Variants in CHST6 observed in about 807,000 individuals in gnomAD.
The protein encoded by CHST6 is carbohydrate sulfotransferase 6.
For missense variants in CHST6, 698 were observed against 586.2 expected, an observed-to-expected ratio of 1.19 and a Z score of -1.97; for synonymous variants, 309 against 276.4, an observed-to-expected ratio of 1.12 and a Z score of -1.17.
At chr16:75,488,674 T>C (rs998892355) in intron 1 of CHST6, among the ~76,000 whole-genome samples, 1 of 151,326 alleles carries the variant, frequency 6.6e-6, no homozygotes, top group Non-Finnish European at 1.5e-5. Context: ...AGACAAAACA[T>C]AAAGCAGGGA....
chr16:75,486,453 C>T (rs2080199533), intron 1 of CHST6, among the ~76,000 whole-genome samples: 1 of 152,230 alleles, frequency 6.6e-6, no homozygotes, highest in Admixed American at 6.5e-5. Context: ...TGATCCACCA[C>T]TCCCGGCTCC....
intron 1 of CHST6, 113 bp from the exon 2 acceptor site, chr16:75,482,004 TTTAA>T: frequency 2.7e-6 from 1 of 370,876 alleles, no homozygotes; most frequent in Non-Finnish European, 5.4e-6. Flanking sequence ...ATGTGCAACA[TTTAA>T]CCTCTTAGGG....
In CHST6 at chr16:75,478,493, G is replaced by A. The variant is rs1363419817; in HGVS notation, c.*148C>T. The A allele has an allele frequency of 4.0e-6, 3 of 758,568 alleles. No individual in the cohort carries two copies. The highest frequency in any genetic ancestry group is 2.2e-5 in the Admixed American group (1 of 45,674). The allele number at this position is 758,568 out of a possible 1,614,324, so 47.0% of individuals were successfully genotyped here. On this transcript the variant is annotated 3_prime_UTR_variant, in exon 3 of 3. Transcript: ENST00000332272. ...ACCAAGAATCAAGAGAGAAAGAAAC[G>A]TGCAGTCCTTGCCTACTTGGGGAGG...
chr16:75,493,657 A>C (rs183475065), intron 1 of CHST6, among the ~76,000 whole-genome samples: 4 of 152,138 alleles, frequency 2.6e-5, no homozygotes, highest in African/African-American at 9.7e-5. Context: ...TTGCTTAGCA[A>C]TCTTCCTTCC....
rs1434336846 is a variant in CHST6 at position 75,479,856 on chromosome 16, G to C, written c.-16-12C>G. ...TGACTGCTGGGGGCCTTAGGGAGGAGAGCGCAGCGGTTAGGGGCTGCAGCC... is the reference window on the plus strand; with the variant it reads ...TGACTGCTGGGGGCCTTAGGGAGGACAGCGCAGCGGTTAGGGGCTGCAGCC... On this transcript the variant is annotated splice_polypyrimidine_tract_variant and intron_variant, in intron 2 of 2. Coordinates refer to ENST00000332272, the MANE Select transcript of CHST6 (RefSeq NM_021615.5). 1.3e-6 allele frequency: 2 copies of C among 1,540,088 alleles called. No individual in the cohort carries two copies. The highest frequency in any genetic ancestry group is 2.1e-4 in the Middle Eastern group (1 of 4,772).
At chr16:75,491,179 AAAAAAAAAAAAAT>A (rs1459152437) in intron 1 of CHST6, among the ~76,000 whole-genome samples, 33 of 83,712 alleles carry the variant, frequency 3.9e-4, no homozygotes, top group African/African-American at 1.3e-3. Context: ...AAAAAAAAAA[AAAAAAAAAAAAAT>A]ATATATATAT....
chr16:75,479,216 G>A lies in CHST6; in HGVS notation c.613C>T (p.Arg205Trp), dbSNP rs750219546. 1.2e-6 allele frequency: 2 copies of A among 1,609,982 alleles called. No individual in the cohort carries two copies. The highest frequency in any genetic ancestry group is 4.5e-5 in the East Asian group (2 of 44,838). The change falls in exon 3 of 3, where the codon CGG (arginine) becomes TGG (tryptophan). Residue 205 changes from arginine (R) to tryptophan (W), a missense_variant. By Grantham distance (101) the Arg-to-Trp change is moderately radical. Coordinates refer to ENST00000332272, the MANE Select transcript of CHST6 (RefSeq NM_021615.5). The part of the protein sequence containing the change: ...LRIVHLVRDP[R>W]AVLRSREQTA... The stretch of plus-strand genomic sequence containing the variant: ...TGCTCCCGGGAGCGCAGCACGGCCC[G>A]CGGGTCGCGCACCAGGTGCACGATG...
At chr16:75,487,628 T>C (rs2080213343) in intron 1 of CHST6, among the ~76,000 whole-genome samples, 1 of 151,260 alleles carries the variant, frequency 6.6e-6, no homozygotes, top group Non-Finnish European at 1.5e-5. Flanking sequence ...TGAAACCCTG[T>C]CTCTACTAAA....
chr16:75,482,760 G>A (rs544057701), intron 1 of CHST6, among the ~76,000 whole-genome samples: 1 of 151,980 alleles, frequency 6.6e-6, no homozygotes, highest in Non-Finnish European at 1.5e-5. Context: ...TGTCCACATC[G>A]CCCACTGAGA....
rs2080091282 is a variant in CHST6, at chr16:75,478,574, G to A, written c.*67C>T. 3.3e-6 allele frequency: 5 copies of A among 1,528,836 alleles called. No homozygotes were observed. Among genetic ancestry groups the A allele is most frequent in the African/African-American group, 1.4e-5 (1 of 73,158 alleles). 94.7% of individuals were successfully genotyped at this position (1,528,836 alleles called of 1,614,324 possible). On this transcript the variant is annotated 3_prime_UTR_variant, in exon 3 of 3. Transcript: ENST00000332272. ...AATATAGGGACCTGCTTCTCCGTGC[G>A]CCCCAGCCCCCTCTGCACCATGCAC... is the stretch of plus-strand genomic sequence containing the variant.
rs538095694 is a variant in CHST6, at chr16:75,495,048, C to A, written c.-200G>T. On this transcript the variant is annotated 5_prime_UTR_variant, in exon 1 of 3. Coordinates refer to ENST00000332272, the MANE Select transcript of CHST6 (RefSeq NM_021615.5). ...GTCGTCTCTTCCAAATTCCACCGCACAGCCAGCTCTTTCTCTTCACTGGGA... is the reference window on the plus strand; with the variant it reads ...GTCGTCTCTTCCAAATTCCACCGCAAAGCCAGCTCTTTCTCTTCACTGGGA... The A allele has an allele frequency of 6.6e-6, 1 of 152,668 alleles. No homozygotes were observed. Among genetic ancestry groups the A allele is most frequent in the East Asian group, 1.9e-4 (1 of 5,194 alleles). 9.5% of individuals were successfully genotyped at this position (152,668 alleles called of 1,614,324 possible). A position where few individuals can be genotyped will look rare whatever the true frequency, so the allele number is the denominator to read the frequency against.
chr16:75,477,147 C>A lies in CHST6; in HGVS notation c.*1494G>T, dbSNP rs2151664359. On this transcript the variant is annotated 3_prime_UTR_variant, in exon 3 of 3. Transcript: ENST00000332272. Reference sequence around the variant, plus strand: ...TTCATAAATCTGGGGTTTTAAATACCTTCCTCCTATAATTGTCACGAGGGA... The same window carrying A: ...TTCATAAATCTGGGGTTTTAAATACATTCCTCCTATAATTGTCACGAGGGA... 6.6e-6 allele frequency: 1 copy of A among 152,296 alleles called. No homozygotes were observed. The highest frequency in any genetic ancestry group is 1.9e-4 in the East Asian group (1 of 5,192). 9.4% of individuals were successfully genotyped at this position (152,296 alleles called of 1,614,324 possible). A position where few individuals can be genotyped will look rare whatever the true frequency, so the allele number is the denominator to read the frequency against.
rs2151666610 is a variant in CHST6, at chr16:75,479,860, G to A, written c.-16-16C>T. On this transcript the variant is annotated splice_polypyrimidine_tract_variant and intron_variant, in intron 2 of 2. Coordinates refer to ENST00000332272, the MANE Select transcript of CHST6 (RefSeq NM_021615.5). ...TGCTGGGGGCCTTAGGGAGGAGAGC[G>A]CAGCGGTTAGGGGCTGCAGCCTGCA... is the stretch of plus-strand genomic sequence containing the variant. 2.0e-6 allele frequency: 3 copies of A among 1,537,372 alleles called. No individual in the cohort carries two copies. Among genetic ancestry groups the A allele is most frequent in the Admixed American group, 2.0e-5 (1 of 50,990 alleles).
At chr16:75,486,791 C>T (rs2080202920) in intron 1 of CHST6, among the ~76,000 whole-genome samples, 1 of 152,058 alleles carries the variant, frequency 6.6e-6, no homozygotes, top group Non-Finnish European at 1.5e-5. Flanking sequence ...TCACTTACAC[C>T]CAAGAGTGGT....
At chr16:75,488,475 G>GAA (rs1384982763) in intron 1 of CHST6, among the ~76,000 whole-genome samples, 2 of 86,538 alleles carry the variant, frequency 2.3e-5, no homozygotes. Flanking sequence ...GTCACAAGGA[G>GAA]AAAAAAAAAA....
chr16:75,480,576 T>G (rs970073880), intron 2 of CHST6, among the ~76,000 whole-genome samples: 1 of 151,808 alleles, frequency 6.6e-6, no homozygotes, highest in Non-Finnish European at 1.5e-5. Context: ...TATGATTTTT[T>G]TTTTTTTAAA....
At position 75,472,316 on chromosome 16, in the gene CHST6, T is replaced by A. The variant is rs937571330; in HGVS notation, c.*6325A>T. Reference sequence around the variant, plus strand: ...TTTTTTAAGAAGCCTGAGGGGAAAATGCCATAAAGTAAGTTAACAAAACAA... The same window carrying A: ...TTTTTTAAGAAGCCTGAGGGGAAAAAGCCATAAAGTAAGTTAACAAAACAA... On this transcript the variant is annotated 3_prime_UTR_variant, in exon 3 of 3. Coordinates refer to ENST00000332272, the MANE Select transcript of CHST6 (RefSeq NM_021615.5). 8 of 151,788 alleles carry A rather than the reference T, an allele frequency of 5.3e-5. No individual in the cohort carries two copies. Among genetic ancestry groups the A allele is most frequent in the Non-Finnish European group, 1.5e-5 (1 of 67,958 alleles). The allele number at this position is 151,788 out of a possible 1,614,324, so 9.4% of individuals were successfully genotyped here.
intron 1 of CHST6, 98 bp downstream of exon 1, chr16:75,494,842 T>C (rs1200679221): frequency 6.6e-6 from 1 of 152,410 alleles, no homozygotes; most frequent in Non-Finnish European, 1.5e-5. Context: ...AGGTCCCCGG[T>C]GCAGGACAGA....
chr16:75,478,786 A>C lies in CHST6; in HGVS notation c.1043T>G (p.Leu348Arg), dbSNP rs189849720. 525 of 1,613,512 alleles carry C rather than the reference A, an allele frequency of 3.3e-4. 1 individual carries two copies. The highest frequency in any genetic ancestry group is 2.0e-3 in the Middle Eastern group (12 of 6,062). ...CAGCAGCTGCAGCGCACCAGCGCACAGTTCCTGCACGCGGCGGATCTTGGC... is the reference window on the plus strand; with the variant it reads ...CAGCAGCTGCAGCGCACCAGCGCACCGTTCCTGCACGCGGCGGATCTTGGC... ...PFAKIRRVQE[L>R]CAGALQLLGY... The change falls in exon 3 of 3, where the codon CTG (leucine) becomes CGG (arginine). Residue 348 changes from leucine to arginine, a missense_variant. Physicochemically the swap from Leu to Arg is moderately radical, Grantham distance 102 (BLOSUM62 -2). Coordinates refer to ENST00000332272, the MANE Select transcript of CHST6 (RefSeq NM_021615.5).
Sources: allele counts gnomAD v4.1 joint callset (sites outside exome capture counted in the v4.1 genomes callset), GRCh38; gene constraint gnomAD v4.1.1; transcripts MANE v1.5; gene names NCBI Gene and HGNC (gene_info 2026-07-23, HGNC 2026-07-21).